Variants in DENND1A observed in about 807,000 individuals in gnomAD.
DENND1A encodes the protein DENN domain-containing protein 1A.
Under a neutral mutation model 113.7 loss-of-function variants are expected in DENND1A, and 51 were observed. The observed-to-expected ratio is 0.45, with a 90% CI of 0.36 to 0.57. DENND1A has a LOEUF of 0.57. Among genes scored for constraint, DENND1A ranks in the 20% least tolerant of loss-of-function variants. The pLI is 0.00. For synonymous variants in DENND1A, 565 were observed against 570.8 expected (o/e 0.99, Z 0.14); for missense variants, 1,258 against 1,395.9 (o/e 0.90, Z 1.57).
chr9:123,565,164 G>T (rs1164058268), intron 12 of DENND1A, among the ~76,000 whole-genome samples: 1 of 151,870 alleles, frequency 6.6e-6, no homozygotes, highest in Non-Finnish European at 1.5e-5. Context: ...GCTAATTTTT[G>T]TATTTTTAGT....
At chr9:123,541,289 T>C (rs915035994) in intron 13 of DENND1A, among the ~76,000 whole-genome samples, 1 of 152,154 alleles carries the variant, frequency 6.6e-6, no homozygotes, top group Non-Finnish European at 1.5e-5. Flanking sequence ...ACCAAGAAAA[T>C]ATACATAAAG....
intron 10 of DENND1A, among the ~76,000 whole-genome samples, chr9:123,621,827 C>T (rs17215040): frequency 0.043 from 6,483 of 152,292 alleles, 172 homozygotes; most frequent in South Asian, 0.059. Flanking sequence ...TGATTGGAAT[C>T]GACGCAGATC....
chr9:123,479,538 T>A (rs1283397888), intron 13 of DENND1A, among the ~76,000 whole-genome samples: 1 of 152,230 alleles, frequency 6.6e-6, no homozygotes, highest in Non-Finnish European at 1.5e-5. Context: ...TTTCAGCCCG[T>A]TTGACCTGTG....
intron 2 of DENND1A, among the ~76,000 whole-genome samples, chr9:123,818,553 C>T: frequency 6.8e-6 from 1 of 147,590 alleles, no homozygotes; most frequent in Non-Finnish European, 1.5e-5. Context: ...CACACACACA[C>T]ACACACACAC....
At chr9:123,492,628 A>C (rs1564592421) in intron 13 of DENND1A, 1 of 152,232 alleles carries the variant, frequency 6.6e-6, no homozygotes, top group African/African-American at 2.4e-5. Flanking sequence ...ACTTTTTTAA[A>C]TACAAGAATT....
chr9:123,557,488 T>G, intron 13 of DENND1A, 82 bp downstream of exon 13: 1 of 1,556,138 alleles, frequency 6.4e-7, no homozygotes, highest in Non-Finnish European at 8.7e-7. Context: ...ACCAGAAGAA[T>G]CATGGCATTT....
At chr9:123,878,833 G>A in intron 2 of DENND1A, 118 bp downstream of exon 2, 1 of 926,686 alleles carries the variant, frequency 1.1e-6, no homozygotes, top group Non-Finnish European at 1.6e-6. Context: ...AAGGAAAAAG[G>A]CACTTAAACA....
At chr9:123,560,086 C>T (rs1440331172) in intron 12 of DENND1A, among the ~76,000 whole-genome samples, 1 of 152,172 alleles carries the variant, frequency 6.6e-6, no homozygotes, top group African/African-American at 2.4e-5. Flanking sequence ...TCGATCTGTT[C>T]ATCTGCAGAT....
At chr9:123,401,501 T>C in intron 21 of DENND1A, 1 of 1,245,078 alleles carries the variant, frequency 8.0e-7, no homozygotes, top group Non-Finnish European at 1.0e-6. Flanking sequence ...CTCTGTCTCC[T>C]TGTGGGCCCG....
chr9:123,570,749 T>TA (rs2136330218), intron 12 of DENND1A, among the ~76,000 whole-genome samples: 1 of 152,268 alleles, frequency 6.6e-6, no homozygotes, highest in South Asian at 2.1e-4. Context: ...ATCAAGTCCA[T>TA]AAAAAGGCCT....
chr9:123,425,773 G>A (rs2045675324), intron 19 of DENND1A, among the ~76,000 whole-genome samples: 2 of 152,268 alleles, frequency 1.3e-5, no homozygotes, highest in Non-Finnish European at 2.9e-5. Context: ...GCAAGGGAAT[G>A]ACTGGGCTTG....
chr9:123,889,978 A>G (rs983014285), intron 1 of DENND1A, among the ~76,000 whole-genome samples: 14 of 147,180 alleles, frequency 9.5e-5, no homozygotes, highest in Non-Finnish European at 6.1e-5. Context: ...CATCTTCGGG[A>G]AAAAAAAAAA....
chr9:123,413,811 G>A, intron 19 of DENND1A: 1 of 985,224 alleles, frequency 1.0e-6, no homozygotes, highest in South Asian at 4.7e-5. Context: ...GGAAGTGTGT[G>A]GGGGAAAGGG....
chr9:123,535,888 A>C lies in DENND1A; in HGVS notation c.993+21682T>G, dbSNP rs111714274. Among the ~76,000 whole-genome samples the C allele has an allele frequency of 1.9e-3, 294 of 152,196 alleles. 3 individuals are homozygous for C. Among genetic ancestry groups the C allele is most frequent in the African/African-American group, 6.6e-3 (272 of 41,510 alleles). On this transcript the variant is annotated intron_variant, in intron 13 of 23. Transcript: ENST00000394215. ...TAAATTCCAAGAGGGCACTTACTAC[A>C]CTCATGAAAGATATTTTACCTTTCC...
intron 5 of DENND1A, among the ~76,000 whole-genome samples, chr9:123,687,860 A>G (rs537410546): frequency 5.3e-4 from 80 of 152,350 alleles, no homozygotes; most frequent in Non-Finnish European, 9.6e-4. Context: ...ATTTTGCAGC[A>G]GACCTGGGTC....
intron 13 of DENND1A, among the ~76,000 whole-genome samples, chr9:123,473,481 A>G (rs1392899155): frequency 6.6e-6 from 1 of 152,228 alleles, no homozygotes; most frequent in African/African-American, 2.4e-5. Flanking sequence ...GCAGCAATCC[A>G]GATGCACCCC....
chr9:123,913,402 G>C (rs905437109), intron 1 of DENND1A, among the ~76,000 whole-genome samples: 2 of 152,132 alleles, frequency 1.3e-5, no homozygotes, highest in Middle Eastern at 3.2e-3. Context: ...GGACATTCCA[G>C]GGTTATAACA....
At chr9:123,867,055 A>G (rs1845887482) in intron 2 of DENND1A, among the ~76,000 whole-genome samples, 1 of 152,198 alleles carries the variant, frequency 6.6e-6, no homozygotes. Flanking sequence ...CTGTCTTTAA[A>G]TTGAGCAACT....
chr9:123,677,128 A>G (rs2064128157), intron 5 of DENND1A, among the ~76,000 whole-genome samples: 1 of 152,098 alleles, frequency 6.6e-6, no homozygotes, highest in Admixed American at 6.5e-5. Flanking sequence ...TTTCCAGGAA[A>G]GCTTCTATTC....
Sources: gnomAD v4.1 joint callset for allele counts (sites outside exome capture counted in the v4.1 genomes callset) on GRCh38, gnomAD v4.1.1 for gene constraint, MANE v1.5 for transcripts, NCBI Gene and HGNC (gene_info 2026-07-23, HGNC 2026-07-21) for gene names.